Variants in USH2A observed in about 807,000 individuals in gnomAD.
USH2A encodes the protein Usher syndrome 2A (autosomal recessive, mild).
In USH2A, 443 loss-of-function variants were observed where a neutral mutation model predicts 538.9. That is an observed-to-expected ratio of 0.82 (90% CI 0.76 to 0.89). The LOEUF (loss-of-function observed/expected upper bound fraction) is 0.89. Ranked by LOEUF, USH2A falls within the 40% of genes least tolerant of loss-of-function variation. The pLI is 0.00. For synonymous variants in USH2A, 2,413 were observed against 2,273.5 expected, an observed-to-expected ratio of 1.06 and a Z score of -1.75; for missense variants, 6,633 against 6,324.8, an observed-to-expected ratio of 1.05 and a Z score of -1.65.
Position 215,876,956 on chromosome 1 carries a change from A to G in USH2A, c.8681+802T>C, listed in dbSNP as rs2102449916. 2.0e-5 allele frequency among the ~76,000 whole-genome samples: 3 copies of G among 152,338 alleles called. No individual in the cohort carries two copies. The Middle Eastern group carries it at 0.01, about 518-fold the overall frequency. On this transcript the variant is annotated intron_variant, in intron 43 of 71. Coordinates refer to ENST00000307340, the MANE Select transcript of USH2A (RefSeq NM_206933.4). ...CAGCTACCCAGTGGTGGGTCTAGAA[A>G]AATAATGACCCACATAGAAAAGTTA... is the stretch of plus-strand genomic sequence containing the variant.
In USH2A at chr1:215,911,831, G is replaced by A. The variant is rs116878025; in HGVS notation, c.7301-10926C>T. Among the ~76,000 whole-genome samples the A allele has an allele frequency of 4.5e-3, 690 of 152,046 alleles. 17 individuals carry two copies. The East Asian group carries it at 0.073, about 16-fold the overall frequency. On this transcript the variant is annotated intron_variant, in intron 38 of 71. Coordinates refer to ENST00000307340, the MANE Select transcript of USH2A (RefSeq NM_206933.4). ...ACTAATTTACATTCCTACCAGCAGG[G>A]TACAAGGGTTCCCTTTCTCCACATC...
chr1:216,081,759 T>G (rs980888645), intron 26 of USH2A, among the ~76,000 whole-genome samples: 1 of 151,928 alleles, frequency 6.6e-6, no homozygotes, highest in African/African-American at 2.4e-5. Flanking sequence ...ACTTTTTATT[T>G]TTATTTTTAT....
At chr1:215,952,042 T>G (rs1050369277) in intron 37 of USH2A, among the ~76,000 whole-genome samples, 2 of 150,820 alleles carry the variant, frequency 1.3e-5, no homozygotes, top group African/African-American at 4.9e-5. Flanking sequence ...TTTTTTGTCT[T>G]TTTAGTAGAG....
rs751516470 is a variant in USH2A, at chr1:215,647,739, A to G, written c.14583-9T>C. 1.9e-6 allele frequency: 3 copies of G among 1,614,108 alleles called. No homozygotes were observed. The South Asian group carries it at 3.3e-5, about 18-fold the overall frequency. On this transcript the variant is annotated splice_polypyrimidine_tract_variant and intron_variant, in intron 66 of 71. Coordinates refer to ENST00000307340, the MANE Select transcript of USH2A (RefSeq NM_206933.4). ...GGAATTGGAGTTCATAGCTAAAATG[A>G]GAATGGATACGTAGAGTCAAGACGG...
chr1:216,214,857 T>C (rs2102492543), intron 15 of USH2A, among the ~76,000 whole-genome samples: 1 of 151,848 alleles, frequency 6.6e-6, no homozygotes, highest in South Asian at 2.1e-4. Context: ...ATTGTATACG[T>C]GTGTGTGTGT....
chr1:215,881,393 G>A (rs1664905073), intron 41 of USH2A, among the ~76,000 whole-genome samples: 1 of 152,164 alleles, frequency 6.6e-6, no homozygotes, highest in South Asian at 2.1e-4. Context: ...ACCTGCCTTT[G>A]CCTCCCAAAA....
chr1:216,221,530 G>A (rs1310875356), intron 14 of USH2A, among the ~76,000 whole-genome samples: 8 of 152,170 alleles, frequency 5.3e-5, no homozygotes, highest in Non-Finnish European at 1.0e-4. Flanking sequence ...TATTTACATG[G>A]CTTATTGAAC....
In USH2A at chr1:216,333,594, T is replaced by C. The variant is rs75381950; in HGVS notation, c.785-5940A>G. Among the ~76,000 whole-genome samples the C allele has an allele frequency of 1.4e-3, 206 of 152,204 alleles. 1 individual carries two copies. The highest frequency in any genetic ancestry group is 4.7e-3 in the African/African-American group (194 of 41,554). On this transcript the variant is annotated intron_variant, in intron 4 of 71. Transcript: ENST00000307340. ...AAATTTGATGAAAACTATTAATCTA[T>C]GCATCCAAGAAGCTCAATGAACTGC... is the stretch of plus-strand genomic sequence containing the variant.
At chr1:215,769,760 C>A (rs538023340) in intron 55 of USH2A, among the ~76,000 whole-genome samples, 1 of 152,078 alleles carries the variant, frequency 6.6e-6, no homozygotes, top group Non-Finnish European at 1.5e-5. Flanking sequence ...AGAAAACCTT[C>A]GTCAAGAAGT....
At chr1:216,011,529 T>C (rs1668569320) in intron 32 of USH2A, among the ~76,000 whole-genome samples, 1 of 152,122 alleles carries the variant, frequency 6.6e-6, no homozygotes, top group Admixed American at 6.5e-5. Context: ...CTTTCCTTCA[T>C]AGGCATGGTT....
intron 15 of USH2A, among the ~76,000 whole-genome samples, chr1:216,216,320 A>C (rs1323021300): frequency 1.3e-5 from 2 of 152,136 alleles, no homozygotes; most frequent in African/African-American, 4.8e-5. Context: ...AAGAGAAACT[A>C]CACAGGTACA....
intron 21 of USH2A, among the ~76,000 whole-genome samples, chr1:216,126,356 TG>T (rs1191910322): frequency 1.3e-5 from 2 of 152,134 alleles, no homozygotes; most frequent in East Asian, 3.9e-4. Context: ...CCCGGGTAAC[TG>T]GGATTACAGG....
intron 61 of USH2A, among the ~76,000 whole-genome samples, chr1:215,712,785 C>T (rs1365319537): frequency 6.6e-6 from 1 of 151,916 alleles, no homozygotes; most frequent in East Asian, 1.9e-4. Flanking sequence ...TTCCTTCCTT[C>T]CTTCCTGTCT....
chr1:216,336,813 A>G (rs2037983598), intron 4 of USH2A, among the ~76,000 whole-genome samples: 1 of 151,556 alleles, frequency 6.6e-6, no homozygotes, highest in African/African-American at 2.4e-5. Context: ...ATAGCTAGAA[A>G]AAATTACAGG....
At chr1:216,123,441 C>T (rs111558216) in intron 21 of USH2A, among the ~76,000 whole-genome samples, 1 of 152,312 alleles carries the variant, frequency 6.6e-6, no homozygotes, top group Non-Finnish European at 1.5e-5. Context: ...CTATAAGCCT[C>T]AGTTTCCTAA....
intron 70 of USH2A, among the ~76,000 whole-genome samples, chr1:215,633,261 G>A (rs1656365944): frequency 1.3e-5 from 2 of 152,146 alleles, no homozygotes; most frequent in Admixed American, 1.3e-4. Context: ...AGGAGGATGA[G>A]TGAGTAGAGG....
intron 37 of USH2A, among the ~76,000 whole-genome samples, chr1:215,947,473 T>C (rs17025698): frequency 0.042 from 6,335 of 152,304 alleles, 150 homozygotes; most frequent in Middle Eastern, 0.095. Flanking sequence ...AAAGGGACAA[T>C]TAGAATGCAC....
At chr1:216,359,471 A>G (rs934228934) in intron 4 of USH2A, among the ~76,000 whole-genome samples, 1 of 152,150 alleles carries the variant, frequency 6.6e-6, no homozygotes, top group Non-Finnish European at 1.5e-5. Context: ...TTTTGATCAA[A>G]GAAGCACACC....
chr1:215,759,866 G>C (rs1208394701), intron 56 of USH2A, 23 bp from the exon 57 acceptor site: 4 of 1,613,488 alleles, frequency 2.5e-6, no homozygotes, highest in Non-Finnish European at 3.4e-6. Context: ...ACGCAATGAG[G>C]TTTTATTGTT....
Sources: gnomAD v4.1 joint callset for allele counts (sites outside exome capture counted in the v4.1 genomes callset) on GRCh38, gnomAD v4.1.1 for gene constraint, MANE v1.5 for transcripts, NCBI Gene and HGNC (gene_info 2026-07-23, HGNC 2026-07-21) for gene names.